The following MYCBP2 variants were observed in gnomAD, a reference collection of about 807,000 sequenced individuals.
MYCBP2 encodes MYC binding protein 2, also known as E3 ubiquitin-protein ligase MYCBP2.
MYCBP2 carries 120 observed loss-of-function variants against 525.3 expected under a neutral mutation model. The observed-to-expected ratio is 0.23, with a 90% CI of 0.20 to 0.27. MYCBP2 has a LOEUF of 0.27. Ranked by LOEUF, MYCBP2 falls within the 10% of genes least tolerant of loss-of-function variation. The pLI is 1.00. For missense variants in MYCBP2, 4,149 were observed against 5,657.1 expected, an observed-to-expected ratio of 0.73 and a Z score of 8.55; for synonymous variants, 1,894 against 1,955.8, an observed-to-expected ratio of 0.97 and a Z score of 0.83.
intron 44 of MYCBP2, among the ~76,000 whole-genome samples, chr13:77,158,564 T>C (rs1409452642): frequency 6.6e-6 from 1 of 152,160 alleles, no homozygotes; most frequent in Admixed American, 6.5e-5. Context: ...TGCCTCAGCC[T>C]CCCAAGTAGC....
At chr13:77,151,118 A>G (rs912722415) in intron 46 of MYCBP2, among the ~76,000 whole-genome samples, 169 bp from the exon 47 acceptor site, 1 of 152,228 alleles carries the variant, frequency 6.6e-6, no homozygotes, top group Non-Finnish European at 1.5e-5. Flanking sequence ...AATGACCTCA[A>G]GATGGGTTGA....
intron 42 of MYCBP2, among the ~76,000 whole-genome samples, chr13:77,164,993 C>A (rs564901744): frequency 6.6e-5 from 10 of 152,280 alleles, no homozygotes; most frequent in African/African-American, 2.4e-4. Flanking sequence ...TGCACATAAA[C>A]TACAAAAATT....
intron 79 of MYCBP2, among the ~76,000 whole-genome samples, chr13:77,056,136 GTGTGTGTGT>G (rs2037985082): frequency 6.6e-6 from 1 of 150,762 alleles, no homozygotes; most frequent in Non-Finnish European, 1.5e-5. Context: ...GTGTGTGTGT[GTGTGTGTGT>G]GTGTGTGTGT....
rs930238939 is a variant in MYCBP2 at position 77,096,752 on chromosome 13, CTTAA to C, written c.9785-275_9785-272del. Among the ~76,000 whole-genome samples, 56 of 152,110 alleles carry C rather than the reference CTTAA, an allele frequency of 3.7e-4. 1 individual carries two copies. The highest frequency in any genetic ancestry group is 1.3e-3 in the African/African-American group (54 of 41,518). On this transcript the variant is annotated intron_variant, in intron 56 of 82. Transcript: ENST00000544440. ...TAGAATATAGGTATATTTAGATATA[CTTAA>C]TTATGTCAATAAAATTAGACAATAC...
intron 23 of MYCBP2, among the ~76,000 whole-genome samples, chr13:77,207,284 G>C (rs1195974493): frequency 6.6e-6 from 1 of 152,170 alleles, no homozygotes. Context: ...TAGAAAGGAA[G>C]CACAGATAGA....
chr13:77,136,224 T>C (rs1266590391), intron 52 of MYCBP2, among the ~76,000 whole-genome samples: 2 of 152,230 alleles, frequency 1.3e-5, no homozygotes, highest in African/African-American at 2.4e-5. Context: ...TAGGCACTTG[T>C]AGTGACTTCC....
At position 77,146,246 on chromosome 13, in the gene MYCBP2, C is replaced by A. The variant is rs181683754; in HGVS notation, c.7132-29G>T. 5 of 1,465,678 alleles carry A rather than the reference C, an allele frequency of 3.4e-6. No homozygotes were observed. The African/African-American group carries it at 4.3e-5, about 13-fold the overall frequency. The allele number at this position is 1,465,678 out of a possible 1,614,324, so 90.8% of individuals were successfully genotyped here. On this transcript the variant is annotated intron_variant, in intron 47 of 82. Coordinates refer to ENST00000544440, the MANE Select transcript of MYCBP2 (RefSeq NM_015057.5). Reference sequence around the variant, plus strand: ...TAAGAAAGAGACCAGTCTGAACAATCGTAAAATCATTTAAAAACATTCTCA... The same window carrying A: ...TAAGAAAGAGACCAGTCTGAACAATAGTAAAATCATTTAAAAACATTCTCA...
chr13:77,083,181 T>G lies in MYCBP2; in HGVS notation c.10887A>C (p.Thr3629=). 1 of 1,611,996 alleles carries G rather than the reference T, an allele frequency of 6.2e-7. No homozygotes were observed. Among genetic ancestry groups the G allele is most frequent in the Non-Finnish European group, 8.5e-7 (1 of 1,179,078 alleles). ...CTGAGAGTGGATGTTCACATACTCTTGTATCTTTCTCCTAAGGCAGAAATT... is the reference window on the plus strand; with the variant it reads ...CTGAGAGTGGATGTTCACATACTCTGGTATCTTTCTCCTAAGGCAGAAATT... ...SKENSEQEKD[T]RVCEHPLSDI... The change falls in exon 63 of 83, where the codon ACA becomes ACC. Residue 3629 remains threonine, a synonymous_variant. Coordinates refer to ENST00000544440, the MANE Select transcript of MYCBP2 (RefSeq NM_015057.5).
intron 1 of MYCBP2, among the ~76,000 whole-genome samples, chr13:77,322,714 G>A (rs1041681594): frequency 6.6e-5 from 10 of 152,314 alleles, no homozygotes; most frequent in African/African-American, 2.4e-4. Flanking sequence ...AAAGGTAGAC[G>A]TGAACTAAGG....
chr13:77,088,523 C>T (rs1279480339), intron 61 of MYCBP2, among the ~76,000 whole-genome samples: 1 of 152,024 alleles, frequency 6.6e-6, no homozygotes, highest in African/African-American at 2.4e-5. Context: ...CATGATTACT[C>T]TGTCATTTCA....
At position 77,098,339 on chromosome 13, in the gene MYCBP2, T is replaced by C. The variant is rs372301899; in HGVS notation, c.8815A>G (p.Ser2939Gly). 2.5e-5 allele frequency: 40 copies of C among 1,612,072 alleles called. No homozygotes were observed. In the African/African-American group the frequency reaches 4.4e-4, roughly 18 times the overall value. Residue 2939 changes from serine (S) to glycine (G), a missense_variant, in exon 56 of 83, where the codon AGT becomes GGT. By Grantham distance (56) the Ser-to-Gly change is moderately conservative. Coordinates refer to ENST00000544440, the MANE Select transcript of MYCBP2 (RefSeq NM_015057.5). ...HSEVVEVCTS[S>G]TLKTNSLTDS... ...GTTAGACTATTTGTTTTTAAAGTAC[T>C]TGAGGTGCAGACTTCGACCACCTCA...
intron 26 of MYCBP2, among the ~76,000 whole-genome samples, chr13:77,202,003 C>A (rs974248341): frequency 3.9e-5 from 6 of 152,100 alleles, no homozygotes; most frequent in Non-Finnish European, 7.3e-5. Flanking sequence ...CAAGAGCAAA[C>A]ACATTCAAAA....
chr13:77,303,437 A>G (rs1013951957), intron 1 of MYCBP2, among the ~76,000 whole-genome samples: 1 of 152,262 alleles, frequency 6.6e-6, no homozygotes, highest in South Asian at 2.1e-4. Context: ...TCAAGTGCAT[A>G]TAGAACATTT....
chr13:77,315,173 C>A (rs1278241372), intron 1 of MYCBP2, among the ~76,000 whole-genome samples: 1 of 152,156 alleles, frequency 6.6e-6, no homozygotes, highest in Non-Finnish European at 1.5e-5. Context: ...AAATAAAATT[C>A]CAGGACCAGA....
At chr13:77,139,456 T>C in intron 51 of MYCBP2, 120 bp from the exon 52 acceptor site, 1 of 1,159,416 alleles carries the variant, frequency 8.6e-7, no homozygotes, top group Non-Finnish European at 1.2e-6. Flanking sequence ...GCATCTAGTT[T>C]TTGCAGAAAG....
intron 3 of MYCBP2, among the ~76,000 whole-genome samples, chr13:77,282,035 A>T (rs1040045587): frequency 2.0e-5 from 3 of 152,244 alleles, no homozygotes; most frequent in African/African-American, 7.2e-5. Flanking sequence ...ATAATAAAAA[A>T]TTTAAAAATC....
chr13:77,048,152 G>T (rs1593995078), intron 82 of MYCBP2, among the ~76,000 whole-genome samples: 1 of 152,018 alleles, frequency 6.6e-6, no homozygotes, highest in Non-Finnish European at 1.5e-5. Flanking sequence ...AGGTGATGAG[G>T]TCATGGGGTG....
intron 1 of MYCBP2, among the ~76,000 whole-genome samples, chr13:77,324,959 G>A (rs746499953): frequency 6.6e-6 from 1 of 152,206 alleles, no homozygotes; most frequent in Non-Finnish European, 1.5e-5. Context: ...ACTGTCTCAC[G>A]TAGTTTTGTG....
At chr13:77,114,039 T>C (rs748985401) in intron 55 of MYCBP2, among the ~76,000 whole-genome samples, 51 of 152,256 alleles carry the variant, frequency 3.3e-4, no homozygotes, top group Non-Finnish European at 3.2e-4. Context: ...ACAAATACAG[T>C]GCTGAGATTA....
Sources: allele counts gnomAD v4.1 joint callset (sites outside exome capture counted in the v4.1 genomes callset), GRCh38; gene constraint gnomAD v4.1.1; transcripts MANE v1.5; gene names NCBI Gene and HGNC (gene_info 2026-07-23, HGNC 2026-07-21).